Variants in NRG3 observed in about 807,000 individuals in gnomAD.
NRG3 encodes neuregulin 3, also known as pro-neuregulin-3, membrane-bound isoform.
A neutral mutation model predicts 66.9 loss-of-function variants in NRG3; 31 were observed. That is an observed-to-expected ratio of 0.46 (90% CI 0.35 to 0.63). The LOEUF is 0.63. Among genes scored for constraint, NRG3 ranks in the 20% least tolerant of loss-of-function variants. The pLI, the probability that NRG3 is intolerant of heterozygous loss-of-function variation, is 0.00. For missense variants in NRG3, 910 were observed against 878.9 expected (o/e 1.04, Z -0.45); for synonymous variants, 393 against 359.4 (o/e 1.09, Z -1.06).
chr10:82,605,861 TTTA>T (rs1408666366), intron 2 of NRG3, among the ~76,000 whole-genome samples: 3 of 152,056 alleles, frequency 2.0e-5, no homozygotes, highest in Non-Finnish European at 4.4e-5. Flanking sequence ...ACAATACTCA[TTTA>T]TTATCTTTCT....
chr10:82,950,183 CT>C lies in NRG3; in HGVS notation c.1055-1285del, dbSNP rs1193200170. On this transcript the variant is annotated intron_variant, in intron 4 of 8. Transcript: ENST00000372141. ...ACTCCAGTGCATTACAATTTGAGAACTATTGTTCTATGTTAATGACACAGAG... is the reference window on the plus strand; with the variant it reads ...ACTCCAGTGCATTACAATTTGAGAACATTGTTCTATGTTAATGACACAGAG... 7.9e-5 allele frequency among the ~76,000 whole-genome samples: 12 copies of C among 152,202 alleles called. No individual in the cohort carries two copies. The South Asian group carries it at 1.2e-3, about 16-fold the overall frequency.
chr10:82,707,012 AAAAT>A (rs199880332), intron 2 of NRG3, among the ~76,000 whole-genome samples: 403 of 106,010 alleles, frequency 3.8e-3, no homozygotes, highest in African/African-American at 0.014. Flanking sequence ...AAAATAAAAT[AAAAT>A]AAATATATAT....
intron 4 of NRG3, among the ~76,000 whole-genome samples, chr10:82,875,746 A>G (rs1343449103): frequency 6.6e-6 from 1 of 152,232 alleles, no homozygotes; most frequent in Admixed American, 6.5e-5. Context: ...CCCTCCAAGT[A>G]TTTTGTTTTA....
At chr10:82,806,282 A>G (rs1213734928) in intron 3 of NRG3, among the ~76,000 whole-genome samples, 1 of 152,236 alleles carries the variant, frequency 6.6e-6, no homozygotes, top group Non-Finnish European at 1.5e-5. Context: ...AACAATGACA[A>G]TGACAATTGA....
intron 2 of NRG3, among the ~76,000 whole-genome samples, chr10:82,405,228 T>C (rs570768852): frequency 6.6e-6 from 1 of 151,702 alleles, no homozygotes; most frequent in South Asian, 2.1e-4. Context: ...AGGAAGAGAG[T>C]GAATTAGAAG....
intron 3 of NRG3, among the ~76,000 whole-genome samples, chr10:82,764,330 CG>C (rs1220047762): frequency 6.6e-6 from 1 of 151,934 alleles, no homozygotes; most frequent in Admixed American, 6.6e-5. Context: ...CCACCAGACC[CG>C]GCTTCACATT....
intron 4 of NRG3, among the ~76,000 whole-genome samples, chr10:82,873,647 C>G (rs530172192): frequency 7.9e-5 from 12 of 152,218 alleles, no homozygotes; most frequent in African/African-American, 2.9e-4. Flanking sequence ...GGTTATTTTT[C>G]TAACAATGTC....
rs556601766 is a variant in NRG3 at position 82,827,695 on chromosome 10, A to G, written c.1028-37716A>G. Among the ~76,000 whole-genome samples, 3 of 152,334 alleles carry G rather than the reference A, an allele frequency of 2.0e-5. No individual in the cohort carries two copies. In the East Asian group the frequency reaches 5.8e-4, roughly 29 times the overall value. On this transcript the variant is annotated intron_variant, in intron 3 of 8. Coordinates refer to ENST00000372141, the MANE Select transcript of NRG3 (RefSeq NM_001010848.4). ...ATCAATTTGACCTTGCCGTGAAACC[A>G]AAACAACGGTTAATTCACTCGAAGC...
chr10:82,154,593 A>G lies in NRG3; in HGVS notation c.824-204146A>G, dbSNP rs117385402. Among the ~76,000 whole-genome samples, 1,263 of 150,786 alleles carry G rather than the reference A, an allele frequency of 8.4e-3. 21 individuals carry two copies. Among genetic ancestry groups the G allele is most frequent in the East Asian group, 0.058 (297 of 5,114 alleles). On this transcript the variant is annotated intron_variant, in intron 1 of 8. Transcript: ENST00000372141. ...TATAAATTTTAGAATTGTTTTGTCTATTTCTGTGAAAAATGCCATTGGAAT... is the reference window on the plus strand; with the variant it reads ...TATAAATTTTAGAATTGTTTTGTCTGTTTCTGTGAAAAATGCCATTGGAAT...
chr10:82,454,283 G>A (rs2091169736), intron 2 of NRG3, among the ~76,000 whole-genome samples: 1 of 152,054 alleles, frequency 6.6e-6, no homozygotes, highest in Admixed American at 6.6e-5. Flanking sequence ...TACTTTATCT[G>A]TATTAACAAT....
chr10:82,099,358 T>C (rs1203739177), intron 1 of NRG3, among the ~76,000 whole-genome samples: 1 of 152,204 alleles, frequency 6.6e-6, no homozygotes, highest in African/African-American at 2.4e-5. Flanking sequence ...AAAAATCACT[T>C]GAACATATAT....
intron 2 of NRG3, among the ~76,000 whole-genome samples, chr10:82,363,964 C>G (rs1312178760): frequency 2.0e-5 from 3 of 151,856 alleles, no homozygotes; most frequent in Admixed American, 1.3e-4. Context: ...TATGAAATTG[C>G]AAACTTGAAC....
chr10:82,236,352 C>T (rs972397167), intron 1 of NRG3, among the ~76,000 whole-genome samples: 12 of 152,164 alleles, frequency 7.9e-5, no homozygotes, highest in Non-Finnish European at 1.5e-5. Flanking sequence ...GACTTCCACT[C>T]CAAAATGCTG....
chr10:82,421,867 C>A (rs1050538560), intron 2 of NRG3, among the ~76,000 whole-genome samples: 1 of 151,946 alleles, frequency 6.6e-6, no homozygotes, highest in Admixed American at 6.6e-5. Flanking sequence ...AGAAAAAAAC[C>A]ATGTAATACT....
intron 3 of NRG3, among the ~76,000 whole-genome samples, chr10:82,788,865 G>A (rs766091637): frequency 2.6e-5 from 4 of 151,612 alleles, no homozygotes; most frequent in Non-Finnish European, 5.9e-5. Context: ...ATTCACCTAT[G>A]TCATATTACA....
rs188208716 is a variant in NRG3 at position 82,675,901 on chromosome 10, A to G, written c.954-62676A>G. Among the ~76,000 whole-genome samples the G allele has an allele frequency of 7.2e-5, 11 of 152,324 alleles. No homozygotes were observed. The East Asian group carries it at 1.9e-3, about 27-fold the overall frequency. On this transcript the variant is annotated intron_variant, in intron 2 of 8. Coordinates refer to ENST00000372141, the MANE Select transcript of NRG3 (RefSeq NM_001010848.4). ...TAAGCACAGATCATATTTTGTATCTACATAACTAGGCAAGAACCATCCTGA... is the reference window on the plus strand; with the variant it reads ...TAAGCACAGATCATATTTTGTATCTGCATAACTAGGCAAGAACCATCCTGA...
chr10:81,986,555 A>G (rs972586252), intron 1 of NRG3, among the ~76,000 whole-genome samples: 1 of 152,256 alleles, frequency 6.6e-6, no homozygotes, highest in South Asian at 2.1e-4. Flanking sequence ...GATATTTTGC[A>G]AATAAAACCT....
intron 1 of NRG3, among the ~76,000 whole-genome samples, chr10:81,897,617 G>A (rs1843643674): frequency 6.6e-6 from 1 of 151,994 alleles, no homozygotes; most frequent in African/African-American, 2.4e-5. Context: ...GGGGGATGGG[G>A]CGAGGGATAA....
intron 2 of NRG3, among the ~76,000 whole-genome samples, chr10:82,542,364 A>G (rs1208572621): frequency 1.3e-5 from 2 of 152,228 alleles, no homozygotes; most frequent in Non-Finnish European, 2.9e-5. Context: ...ATAGGGACAT[A>G]TAGAGGAGAG....
Sources: allele counts gnomAD v4.1 joint callset (sites outside exome capture counted in the v4.1 genomes callset), GRCh38; gene constraint gnomAD v4.1.1; transcripts MANE v1.5; gene names NCBI Gene and HGNC (gene_info 2026-07-23, HGNC 2026-07-21).